Variants in NUS1 observed in about 807,000 individuals in gnomAD.
The protein encoded by NUS1 is NUS1 dehydrodolichyl diphosphate synthase subunit.
For missense variants in NUS1, 292 were observed against 382.9 expected (o/e 0.76, Z 1.98); for synonymous variants, 135 against 155.2 (o/e 0.87, Z 0.97).
At chr6:117,677,640 CTGAT>C (rs1374999467) in intron 1 of NUS1, among the ~76,000 whole-genome samples, 1 of 152,222 alleles carries the variant, frequency 6.6e-6, no homozygotes. Flanking sequence ...AGGCTGATCT[CTGAT>C]TGCCCTATCA....
At position 117,675,761 on chromosome 6, in the gene NUS1, G is replaced by GGA; in HGVS notation, c.92_93insAG (p.Thr32AlafsTer19). On this transcript the variant is annotated frameshift_variant, in exon 1 of 5. Transcript: ENST00000368494. LOFTEE classifies it high-confidence loss of function. The stretch of plus-strand genomic sequence containing the variant: ...CACCTCCTGGCTCCGCGTTCGGTTC[G>GGA]GCACCTGGAACTGGATCTGGCGGCG... The GGA allele has an allele frequency of 6.4e-7, 1 of 1,555,900 alleles. No homozygotes were observed. Among genetic ancestry groups the GGA allele is most frequent in the East Asian group, 2.4e-5 (1 of 42,052 alleles).
chr6:117,676,457 A>T (rs551570816), intron 1 of NUS1, among the ~76,000 whole-genome samples: 27 of 152,296 alleles, frequency 1.8e-4, no homozygotes, highest in African/African-American at 6.5e-4. Context: ...ATATGCCTGT[A>T]ATCCCAGCTA....
intron 4 of NUS1, among the ~76,000 whole-genome samples, chr6:117,704,457 C>G (rs1165184551): frequency 2.6e-5 from 4 of 152,170 alleles, no homozygotes; most frequent in African/African-American, 7.2e-5. Flanking sequence ...CTGCTCCTCT[C>G]TATTGCATCT....
intron 3 of NUS1, 35 bp downstream of exon 3, chr6:117,694,215 A>G: frequency 8.0e-7 from 1 of 1,249,478 alleles, no homozygotes; most frequent in Non-Finnish European, 1.1e-6. Context: ...ATATATATGT[A>G]TATGTATGTG....
In NUS1 at chr6:117,684,502, A is replaced by C. The variant is rs79463552; in HGVS notation, c.415+8417A>C. ...CCTCCTAATTGATCTCCATTTTTCTATCCTGGTCCCTGTATAATCCATTCT... is the reference window on the plus strand; with the variant it reads ...CCTCCTAATTGATCTCCATTTTTCTCTCCTGGTCCCTGTATAATCCATTCT... On this transcript the variant is annotated intron_variant, in intron 1 of 4. Transcript: ENST00000368494. 5.1e-4 allele frequency among the ~76,000 whole-genome samples: 77 copies of C among 152,218 alleles called. No homozygotes were observed. The East Asian group carries it at 0.012, about 23-fold the overall frequency.
At chr6:117,696,694 G>A (rs775331790) in intron 3 of NUS1, among the ~76,000 whole-genome samples, 5 of 152,016 alleles carry the variant, frequency 3.3e-5, no homozygotes, top group Non-Finnish European at 7.4e-5. Context: ...CTTCAAACAC[G>A]AAGAAGAAAT....
At chr6:117,686,561 A>G (rs1402236852) in intron 1 of NUS1, among the ~76,000 whole-genome samples, 1 of 152,172 alleles carries the variant, frequency 6.6e-6, no homozygotes, top group Non-Finnish European at 1.5e-5. Context: ...GTGCAATACT[A>G]TATAATTCTG....
chr6:117,692,895 C>G (rs755082765), intron 1 of NUS1, 147 bp from the exon 2 acceptor site: 2 of 639,654 alleles, frequency 3.1e-6, no homozygotes, highest in South Asian at 2.2e-5. Flanking sequence ...TCATGTTTTC[C>G]TTTTAGATTC....
rs1217457778 is a variant in NUS1, at chr6:117,710,411, CAT to C, written c.*3398_*3399del. The C allele has an allele frequency of 6.6e-6, 1 of 151,934 alleles. No individual in the cohort carries two copies. Among genetic ancestry groups the C allele is most frequent in the Non-Finnish European group, 1.5e-5 (1 of 67,936 alleles). 9.4% of individuals were successfully genotyped at this position (151,934 alleles called of 1,614,324 possible). ...TTCTCCAAGATCCTAACTGGTGGGA[CAT>C]AAACTATGATGCAATGGATAGGAAA... On this transcript the variant is annotated 3_prime_UTR_variant, in exon 5 of 5. Coordinates refer to ENST00000368494, the MANE Select transcript of NUS1 (RefSeq NM_138459.5).
At chr6:117,703,546 G>A in intron 3 of NUS1, 59 bp from the exon 4 acceptor site, 2 of 1,154,322 alleles carry the variant, frequency 1.7e-6, no homozygotes, top group Non-Finnish European at 2.6e-6. Context: ...GTGTTTCTGT[G>A]TGTGTGTGTG....
intron 1 of NUS1, among the ~76,000 whole-genome samples, chr6:117,692,430 A>G (rs577914477): frequency 4.6e-5 from 7 of 152,184 alleles, no homozygotes; most frequent in African/African-American, 1.7e-4. Flanking sequence ...ATCTTTCTCA[A>G]TAACATGACA....
At chr6:117,697,936 A>G (rs370173619) in intron 3 of NUS1, among the ~76,000 whole-genome samples, 10 of 152,274 alleles carry the variant, frequency 6.6e-5, no homozygotes, top group African/African-American at 2.4e-4. Context: ...AACATTCACA[A>G]ACATTGAAAT....
At chr6:117,688,166 A>G (rs1351722167) in intron 1 of NUS1, among the ~76,000 whole-genome samples, 1 of 152,252 alleles carries the variant, frequency 6.6e-6, no homozygotes, top group Non-Finnish European at 1.5e-5. Flanking sequence ...GGCTGCAGTC[A>G]GCTATGATAG....
At chr6:117,695,379 C>T (rs987124096) in intron 3 of NUS1, among the ~76,000 whole-genome samples, 9 of 152,154 alleles carry the variant, frequency 5.9e-5, no homozygotes, top group Admixed American at 1.3e-4. Flanking sequence ...CTTACCCTAC[C>T]CTGTCATTGC....
At chr6:117,692,766 T>C (rs1440748671) in intron 1 of NUS1, among the ~76,000 whole-genome samples, 3 of 152,240 alleles carry the variant, frequency 2.0e-5, no homozygotes, top group East Asian at 1.9e-4. Flanking sequence ...TTTAAGTAAG[T>C]GATCTCTTAA....
At chr6:117,702,323 G>A (rs1262739274) in intron 3 of NUS1, among the ~76,000 whole-genome samples, 1 of 152,016 alleles carries the variant, frequency 6.6e-6, no homozygotes, top group Non-Finnish European at 1.5e-5. Flanking sequence ...GTATCTTTTG[G>A]CAGCAAGTAG....
intron 3 of NUS1, among the ~76,000 whole-genome samples, chr6:117,700,439 C>T (rs1773390378): frequency 6.6e-6 from 1 of 152,030 alleles, no homozygotes; most frequent in South Asian, 2.1e-4. Context: ...CCTACAATAA[C>T]ATATTATTGT....
intron 1 of NUS1, among the ~76,000 whole-genome samples, chr6:117,686,016 C>T (rs1162660421): frequency 6.7e-6 from 1 of 149,358 alleles, no homozygotes; most frequent in African/African-American, 2.5e-5. Flanking sequence ...AATCCCAGCA[C>T]TTTGGGAGGC....
At chr6:117,705,080 G>A (rs965073358) in intron 4 of NUS1, among the ~76,000 whole-genome samples, 9 of 152,138 alleles carry the variant, frequency 5.9e-5, no homozygotes, top group South Asian at 2.1e-4. Context: ...AAGAGAACGT[G>A]TAGCATGTTA....
Sources: gnomAD v4.1 joint callset for allele counts (sites outside exome capture counted in the v4.1 genomes callset) on GRCh38, gnomAD v4.1.1 for gene constraint, MANE v1.5 for transcripts, NCBI Gene and HGNC (gene_info 2026-07-23, HGNC 2026-07-21) for gene names.